The following CDH13 variants were observed in gnomAD, a reference collection of about 807,000 sequenced individuals.
The protein encoded by CDH13 is cadherin-13.
In CDH13, 24 loss-of-function variants were observed where a neutral mutation model predicts 63.8. The ratio of observed to expected loss-of-function variants is 0.38; its 90% CI spans 0.27 to 0.53. The LOEUF is 0.53. Ranked by LOEUF, CDH13 falls within the 20% of genes least tolerant of loss-of-function variation. The pLI, the probability that CDH13 is intolerant of heterozygous loss-of-function variation, is 0.85. For missense variants in CDH13, 1,049 were observed against 903.1 expected, an observed-to-expected ratio of 1.16 and a Z score of -2.07; for synonymous variants, 503 against 355.3, an observed-to-expected ratio of 1.42 and a Z score of -4.67.
intron 3 of CDH13, among the ~76,000 whole-genome samples, chr16:83,102,849 G>A (rs62036565): frequency 4.0e-5 from 6 of 149,930 alleles, no homozygotes; most frequent in African/African-American, 1.5e-4. Flanking sequence ...AAGGGTAAAT[G>A]TGATACATGT....
At chr16:83,529,124 C>G (rs902079837) in intron 7 of CDH13, among the ~76,000 whole-genome samples, 1 of 145,276 alleles carries the variant, frequency 6.9e-6, no homozygotes, top group Non-Finnish European at 1.5e-5. Flanking sequence ...CATTGTAGAT[C>G]TAGGCGAGCT....
intron 3 of CDH13, among the ~76,000 whole-genome samples, chr16:83,103,095 G>A (rs1386974157): frequency 6.6e-6 from 1 of 151,118 alleles, no homozygotes; most frequent in Non-Finnish European, 1.5e-5. Context: ...TGGGATTACA[G>A]GAGTGTGCCA....
At chr16:82,722,671 G>C (rs961277055) in intron 1 of CDH13, among the ~76,000 whole-genome samples, 3 of 152,166 alleles carry the variant, frequency 2.0e-5, no homozygotes, top group Non-Finnish European at 4.4e-5. Flanking sequence ...ATGGCAGGTA[G>C]ACAGAAGGAC....
chr16:83,704,258 G>A (rs1015907896), intron 10 of CDH13, among the ~76,000 whole-genome samples: 1 of 152,128 alleles, frequency 6.6e-6, no homozygotes, highest in Non-Finnish European at 1.5e-5. Context: ...CATTCAGTCA[G>A]GTTAGGTTGT....
chr16:83,243,366 A>T (rs1904666192), intron 5 of CDH13, among the ~76,000 whole-genome samples: 2 of 152,170 alleles, frequency 1.3e-5, no homozygotes, highest in African/African-American at 4.8e-5. Context: ...AAGAGAGAGA[A>T]CTTGTGCAGG....
chr16:83,325,306 G>C (rs2090336153), intron 5 of CDH13, among the ~76,000 whole-genome samples: 1 of 152,190 alleles, frequency 6.6e-6, no homozygotes, highest in Non-Finnish European at 1.5e-5. Flanking sequence ...GAGAGAGGGG[G>C]AGGGAGGAAG....
chr16:83,112,885 G>A (rs1431077569), intron 3 of CDH13, among the ~76,000 whole-genome samples: 1 of 152,130 alleles, frequency 6.6e-6, no homozygotes, highest in African/African-American at 2.4e-5. Context: ...GATAATTTCA[G>A]GATATTTGAG....
rs556845575 is a variant in CDH13, at chr16:83,013,114, A to G, written c.158-18896A>G. 1.7e-4 allele frequency among the ~76,000 whole-genome samples: 26 copies of G among 152,346 alleles called. 1 individual carries two copies. The South Asian group carries it at 2.7e-3, about 16-fold the overall frequency. ...ACCTTGGCCTACAGCAGTGATCAAC[A>G]AACTTATTTTGAAAAGGATTAGAAA... On this transcript the variant is annotated intron_variant, in intron 2 of 13. Coordinates refer to ENST00000567109, the MANE Select transcript of CDH13 (RefSeq NM_001257.5).
chr16:83,220,578 A>G (rs529664355), intron 5 of CDH13, among the ~76,000 whole-genome samples: 2 of 151,842 alleles, frequency 1.3e-5, no homozygotes, highest in South Asian at 2.1e-4. Flanking sequence ...CGTTGTGCAC[A>G]TGTACCATAG....
At chr16:82,907,927 T>C (rs756519021) in intron 2 of CDH13, among the ~76,000 whole-genome samples, 1 of 152,156 alleles carries the variant, frequency 6.6e-6, no homozygotes, top group Non-Finnish European at 1.5e-5. Flanking sequence ...AAAATTAGCT[T>C]CTTCAAAAAA....
chr16:82,675,841 GA>G (rs1170335744), intron 1 of CDH13, among the ~76,000 whole-genome samples: 1 of 152,154 alleles, frequency 6.6e-6, no homozygotes, highest in Non-Finnish European at 1.5e-5. Flanking sequence ...CTTGAGTTCA[GA>G]AGCCAAAAGA....
intron 5 of CDH13, among the ~76,000 whole-genome samples, chr16:83,246,762 C>T (rs1196325759): frequency 6.6e-6 from 1 of 152,212 alleles, no homozygotes; most frequent in Admixed American, 6.5e-5. Context: ...TAATCACTTC[C>T]TTGCTGAAAC....
At chr16:83,441,339 C>G (rs1464414750) in intron 6 of CDH13, among the ~76,000 whole-genome samples, 2 of 152,152 alleles carry the variant, frequency 1.3e-5, no homozygotes, top group Non-Finnish European at 2.9e-5. Context: ...GGGAAAAACA[C>G]AATACATTTA....
At chr16:82,802,003 A>G (rs1019533814) in intron 1 of CDH13, among the ~76,000 whole-genome samples, 2 of 152,174 alleles carry the variant, frequency 1.3e-5, no homozygotes, top group African/African-American at 2.4e-5. Flanking sequence ...TGTCACCTCC[A>G]TGGGCGGGTG....
Position 83,459,352 on chromosome 16 carries a change from C to G in CDH13, c.782-27125C>G, listed in dbSNP as rs56690547. Among the ~76,000 whole-genome samples the G allele has an allele frequency of 5.1e-3, 779 of 152,298 alleles. 12 individuals carry two copies. Among genetic ancestry groups the G allele is most frequent in the African/African-American group, 0.018 (736 of 41,556 alleles). On this transcript the variant is annotated intron_variant, in intron 6 of 13. Coordinates refer to ENST00000567109, the MANE Select transcript of CDH13 (RefSeq NM_001257.5). ...GACAGAATAAACGTGATTAAATTAT[C>G]GGACAGAAACACATGACTATAAATA...
intron 7 of CDH13, among the ~76,000 whole-genome samples, chr16:83,554,806 G>A (rs1371526375): frequency 6.6e-6 from 1 of 151,888 alleles, no homozygotes; most frequent in Non-Finnish European, 1.5e-5. Context: ...AAGCCATTAT[G>A]TAATCTTCCT....
At chr16:83,474,078 G>C (rs1336955297) in intron 6 of CDH13, among the ~76,000 whole-genome samples, 2 of 152,112 alleles carry the variant, frequency 1.3e-5, no homozygotes, top group Admixed American at 1.3e-4. Context: ...ATGATGGAGT[G>C]GTTATTTGAC....
intron 6 of CDH13, among the ~76,000 whole-genome samples, chr16:83,457,199 A>G (rs1254752745): frequency 6.6e-6 from 1 of 152,178 alleles, no homozygotes; most frequent in South Asian, 2.1e-4. Flanking sequence ...GGGTAATAAG[A>G]GCACTGACAC....
In CDH13 at chr16:83,499,312, G is replaced by T. The variant is rs574560355; in HGVS notation, c.960+12657G>T. On this transcript the variant is annotated intron_variant, in intron 7 of 13. Coordinates refer to ENST00000567109, the MANE Select transcript of CDH13 (RefSeq NM_001257.5). ...TTTGTTTATACACGTAGAGCATCTTGGTCCAAGGTACAAAAGGATTTGTGT... is the reference window on the plus strand; with the variant it reads ...TTTGTTTATACACGTAGAGCATCTTTGTCCAAGGTACAAAAGGATTTGTGT... Among the ~76,000 whole-genome samples, 23 of 152,316 alleles carry T rather than the reference G, an allele frequency of 1.5e-4. No homozygotes were observed. In the South Asian group the frequency reaches 3.7e-3, roughly 25 times the overall value.
Sources: allele counts gnomAD v4.1 joint callset (sites outside exome capture counted in the v4.1 genomes callset), GRCh38; gene constraint gnomAD v4.1.1; transcripts MANE v1.5; gene names NCBI Gene and HGNC (gene_info 2026-07-23, HGNC 2026-07-21).